The following CFAP47 variants were observed in gnomAD, a reference collection of about 807,000 sequenced individuals.
The protein encoded by CFAP47 is cilia and flagella associated protein 47.
In CFAP47, 29 loss-of-function variants were observed where a neutral mutation model predicts 148.1. The observed-to-expected ratio is 0.20, with a 90% CI of 0.15 to 0.27. The LOEUF (loss-of-function observed/expected upper bound fraction) is 0.27. CFAP47 is among the 10% of genes least tolerant of loss of function. CFAP47 has a pLI of 1.00. For missense variants in CFAP47, 1,872 were observed against 1,697.5 expected, an observed-to-expected ratio of 1.10 and a Z score of -1.81; for synonymous variants, 664 against 577.3, an observed-to-expected ratio of 1.15 and a Z score of -2.15.
intron 49 of CFAP47, among the ~76,000 whole-genome samples, chrX:36,261,637 T>C (rs781931540): frequency 7.7e-4 from 85 of 109,904 alleles, no homozygotes; most frequent in Non-Finnish European, 1.3e-3. Context: ...GAGCACATGG[T>C]TGGGGGTAAG....
At chrX:35,993,752 G>C (rs1936813571) in intron 18 of CFAP47, among the ~76,000 whole-genome samples, 2 of 110,808 alleles carry the variant, frequency 1.8e-5, no homozygotes, top group Admixed American at 9.6e-5. Flanking sequence ...TCATTTCTGA[G>C]TTTTGACGAA....
intron 55 of CFAP47, among the ~76,000 whole-genome samples, 155 bp from the exon 56 acceptor site, chrX:36,310,678 G>A (rs989145793): frequency 9.9e-5 from 11 of 110,977 alleles, no homozygotes; most frequent in African/African-American, 3.3e-4. Context: ...AAATTAAAAG[G>A]AATTTGGAAA....
chrX:36,144,632 A>G (rs759355677), intron 35 of CFAP47: 1 of 1,028,167 alleles, frequency 9.7e-7, no homozygotes, highest in East Asian at 6.1e-5. Flanking sequence ...ATATGCCCTC[A>G]GTGTGGGTTG....
At chrX:35,928,183 G>C (rs922012759) in intron 2 of CFAP47, among the ~76,000 whole-genome samples, 35 of 109,981 alleles carry the variant, frequency 3.2e-4, no homozygotes, top group African/African-American at 1.1e-3. Context: ...TGTAATTGTA[G>C]GGTCATATAG....
Position 36,137,985 on chromosome X carries a change from T to G in CFAP47, c.5348T>G (p.Val1783Gly). ...GTTATCCCTTCTGAGAGATGGATAG[T>G]AAATTTTGACAAAGACCTTTCAGAT... The part of the protein sequence containing the change: ...KDVIPSERWI[V>G]NFDKDLSDGL... The change falls in exon 34 of 64, where the codon GTA (valine) becomes GGA (glycine). Residue 1783 changes from valine to glycine, a missense_variant. Coordinates refer to ENST00000378653, the MANE Select transcript of CFAP47 (RefSeq NM_001304548.2). 1 of 857,807 alleles carries G rather than the reference T, an allele frequency of 1.2e-6. No homozygotes were observed. The highest frequency in any genetic ancestry group is 2.3e-5 in the Admixed American group (1 of 43,366). The allele number at this position is 857,807 out of a possible 1,213,427, so 70.7% of individuals were successfully genotyped here. A position where few individuals can be genotyped will look rare whatever the true frequency, so the allele number is the denominator to read the frequency against.
At chrX:36,200,308 C>T (rs1555987878) in intron 42 of CFAP47, 71 bp from the exon 43 acceptor site, 5 of 287,734 alleles carry the variant, frequency 1.7e-5, no homozygotes, top group African/African-American at 2.8e-5. Flanking sequence ...TGCAGATTTC[C>T]CTTGTAGCAG....
At position 36,003,961 on chromosome X, in the gene CFAP47, CTTTTTCTTT is replaced by C. The variant is rs1382579199; in HGVS notation, c.3417+2260_3417+2268del. Among the ~76,000 whole-genome samples, 6 of 81,647 alleles carry C rather than the reference CTTTTTCTTT, an allele frequency of 7.3e-5. No homozygotes were observed. In the East Asian group the frequency reaches 2.1e-3, roughly 28 times the overall value. The allele number at this position is 81,647 out of a possible 115,157, so 70.9% of individuals were successfully genotyped here. A position where few individuals can be genotyped will look rare whatever the true frequency, so the allele number is the denominator to read the frequency against. Reference sequence around the variant, plus strand: ...GGGTACAAATCACTAGCATTTCTTTCTTTTTCTTTTTTTTTTTTTTTTTTTTTTTTAGAT... The same window carrying C: ...GGGTACAAATCACTAGCATTTCTTTCTTTTTTTTTTTTTTTTTTTTTAGAT... On this transcript the variant is annotated intron_variant, in intron 21 of 63. Transcript: ENST00000378653.
intron 62 of CFAP47, chrX:36,374,774 G>A: frequency 1.6e-6 from 1 of 640,736 alleles, no homozygotes; most frequent in South Asian, 2.7e-5. Flanking sequence ...CATTTTATTT[G>A]TAAATATGTA....
chrX:35,926,782 G>T (rs754020060), intron 2 of CFAP47, among the ~76,000 whole-genome samples: 1 of 111,098 alleles, frequency 9.0e-6, no homozygotes, highest in Non-Finnish European at 1.9e-5. Context: ...ACCACCTACA[G>T]AATTAATTTG....
chrX:36,257,847 A>G (rs1306823689), intron 49 of CFAP47, among the ~76,000 whole-genome samples: 1 of 111,945 alleles, frequency 8.9e-6, no homozygotes, highest in Non-Finnish European at 1.9e-5. Flanking sequence ...TTTTTACTCC[A>G]TACTAAAAAA....
chrX:36,139,143 A>G (rs939489964), intron 35 of CFAP47, among the ~76,000 whole-genome samples: 2 of 111,816 alleles, frequency 1.8e-5, no homozygotes, highest in Non-Finnish European at 3.8e-5. Context: ...CTATGAAAAA[A>G]ATGAAGTATA....
chrX:35,927,997 T>TTATATATATATATATATATGTATA, intron 2 of CFAP47, among the ~76,000 whole-genome samples: 1 of 102,969 alleles, frequency 9.7e-6, no homozygotes, highest in Admixed American at 1.1e-4. Flanking sequence ...GTATTCTATT[T>TTATATATATATATATATATGTATA]TATATATATA....
chrX:36,371,762 G>GTATATA (rs1941954073), intron 62 of CFAP47, among the ~76,000 whole-genome samples: 1 of 52,883 alleles, frequency 1.9e-5, no homozygotes, highest in African/African-American at 1.6e-4. Context: ...ACACACATGT[G>GTATATA]TGTATATACA....
chrX:36,088,037 G>A (rs778505669), intron 30 of CFAP47, among the ~76,000 whole-genome samples: 10 of 111,219 alleles, frequency 9.0e-5, no homozygotes, highest in Non-Finnish European at 1.7e-4. Context: ...GTCTTTCTGT[G>A]TATTCAAATT....
At chrX:36,083,252 C>A (rs761698097) in intron 29 of CFAP47, among the ~76,000 whole-genome samples, 1 of 109,772 alleles carries the variant, frequency 9.1e-6, no homozygotes, top group African/African-American at 3.3e-5. Flanking sequence ...ATGTAGTATA[C>A]ATATATGCAT....
intron 3 of CFAP47, 29 bp downstream of exon 3, chrX:35,941,427 A>C (rs1171590121): frequency 8.8e-6 from 7 of 798,927 alleles, no homozygotes; most frequent in Non-Finnish European, 1.2e-5. Context: ...ATTTACTTAC[A>C]CTTTTAGAAG....
At chrX:36,189,202 TTATC>T (rs1555986126) in intron 41 of CFAP47, among the ~76,000 whole-genome samples, 1 of 111,117 alleles carries the variant, frequency 9.0e-6, no homozygotes, top group Admixed American at 9.6e-5. Flanking sequence ...ATAATAATGG[TTATC>T]TCTCATACAT....
intron 37 of CFAP47, among the ~76,000 whole-genome samples, chrX:36,158,124 C>A (rs950321383): frequency 1.8e-5 from 2 of 112,143 alleles, no homozygotes; most frequent in African/African-American, 6.5e-5. Context: ...CATTCAACAG[C>A]AACTGCACAA....
intron 13 of CFAP47, 112 bp from the exon 14 acceptor site, chrX:35,975,035 A>C: frequency 2.3e-6 from 1 of 435,406 alleles, no homozygotes; most frequent in Middle Eastern, 6.8e-4. Flanking sequence ...TATTTTTTAA[A>C]ATTTCATTTT....
Sources: gnomAD v4.1 joint callset for allele counts (sites outside exome capture counted in the v4.1 genomes callset) on GRCh38, gnomAD v4.1.1 for gene constraint, MANE v1.5 for transcripts, NCBI Gene and HGNC (gene_info 2026-07-23, HGNC 2026-07-21) for gene names.